EYA2: variants seen among roughly 807,000 people sequenced by gnomAD.
EYA2 encodes protein phosphatase EYA2.
A neutral mutation model predicts 69.2 loss-of-function variants in EYA2; 31 were observed. That is an observed-to-expected ratio of 0.45 (90% CI 0.34 to 0.60). The LOEUF is 0.60. Among genes scored for constraint, EYA2 ranks in the 20% least tolerant of loss-of-function variants. EYA2 has a pLI of 0.02. For synonymous variants in EYA2, 257 were observed against 279.4 expected, an observed-to-expected ratio of 0.92 and a Z score of 0.80; for missense variants, 622 against 701.2, an observed-to-expected ratio of 0.89 and a Z score of 1.28.
chr20:47,088,029 C>T (rs1205186666), intron 7 of EYA2, among the ~76,000 whole-genome samples: 2 of 152,108 alleles, frequency 1.3e-5, no homozygotes, highest in Non-Finnish European at 2.9e-5. Context: ...GAGTTCGAGA[C>T]CAGCCTGACC....
intron 9 of EYA2, among the ~76,000 whole-genome samples, chr20:47,109,202 C>T (rs2032679910): frequency 6.6e-6 from 1 of 152,190 alleles, no homozygotes; most frequent in Non-Finnish European, 1.5e-5. Flanking sequence ...CAGCCAATTC[C>T]TCCTGAACAA....
In EYA2 at chr20:47,157,782, G is replaced by A. The variant is rs6124952; in HGVS notation, c.979-11357G>A. ...TGTTAAATCATTAAAGAGAAAGTGC[G>A]TTTTTGGTGCCCCCACCAAAAAAGG... On this transcript the variant is annotated intron_variant, in intron 10 of 15. Transcript: ENST00000327619. Among the ~76,000 whole-genome samples the A allele has an allele frequency of 1.8e-3, 268 of 152,062 alleles. 16 individuals carry two copies. The East Asian group carries it at 0.024, about 13-fold the overall frequency.
chr20:46,994,184 G>A (rs367602826), intron 2 of EYA2, among the ~76,000 whole-genome samples: 68 of 152,170 alleles, frequency 4.5e-4, no homozygotes, highest in African/African-American at 1.5e-3. Flanking sequence ...CATTTGCATC[G>A]TACTGATGAC....
At chr20:47,143,568 T>C (rs575062707) in intron 10 of EYA2, among the ~76,000 whole-genome samples, 221 of 152,250 alleles carry the variant, frequency 1.5e-3, no homozygotes, top group Non-Finnish European at 2.2e-3. Context: ...ACAATTTACA[T>C]TCCCCTGAAA....
intron 5 of EYA2, among the ~76,000 whole-genome samples, chr20:47,044,864 G>T (rs1175556135): frequency 6.6e-6 from 1 of 152,130 alleles, no homozygotes; most frequent in African/African-American, 2.4e-5. Context: ...ACACTGCCAA[G>T]GAAGCATAAA....
At chr20:46,930,818 G>A (rs986012329) in intron 1 of EYA2, among the ~76,000 whole-genome samples, 2 of 152,236 alleles carry the variant, frequency 1.3e-5, no homozygotes, top group African/African-American at 4.8e-5. Context: ...TCTGTGCCAG[G>A]CACTGTGCCA....
chr20:46,925,272 C>T (rs1985364774), intron 1 of EYA2, among the ~76,000 whole-genome samples: 1 of 152,160 alleles, frequency 6.6e-6, no homozygotes, highest in Non-Finnish European at 1.5e-5. Context: ...GAACACAATT[C>T]AATCCATAGC....
intron 10 of EYA2, 150 bp from the exon 11 acceptor site, chr20:47,168,989 G>A: frequency 1.5e-6 from 1 of 669,812 alleles, no homozygotes; most frequent in South Asian, 1.7e-5. Context: ...CTAACCTTGA[G>A]TATCCAAATC....
chr20:46,937,423 T>C (rs991528875), intron 1 of EYA2, among the ~76,000 whole-genome samples: 2 of 152,210 alleles, frequency 1.3e-5, no homozygotes, highest in Non-Finnish European at 2.9e-5. Flanking sequence ...CTAGCTGTAA[T>C]GCATTTAGGA....
At chr20:46,986,555 G>T (rs776469393) in intron 1 of EYA2, among the ~76,000 whole-genome samples, 9 of 150,980 alleles carry the variant, frequency 6.0e-5, no homozygotes, top group African/African-American at 9.8e-5. Flanking sequence ...TGCTGTAAAG[G>T]AATACCTGAT....
At chr20:47,090,645 A>G (rs1439374611) in intron 8 of EYA2, among the ~76,000 whole-genome samples, 1 of 152,134 alleles carries the variant, frequency 6.6e-6, no homozygotes, top group African/African-American at 2.4e-5. Flanking sequence ...CAAGTCTACC[A>G]TCTCACAAAG....
chr20:47,117,985 G>A (rs1201840864), intron 9 of EYA2, among the ~76,000 whole-genome samples: 1 of 152,222 alleles, frequency 6.6e-6, no homozygotes, highest in African/African-American at 2.4e-5. Flanking sequence ...TGTGAGGCGA[G>A]CACCTTGGAA....
chr20:47,168,608 A>G (rs1054537549), intron 10 of EYA2, among the ~76,000 whole-genome samples: 3 of 151,828 alleles, frequency 2.0e-5, no homozygotes, highest in Non-Finnish European at 2.9e-5. Context: ...GGCACATAGT[A>G]AGTGCTCAGT....
Position 47,103,636 on chromosome 20 carries a change from T to C in EYA2, c.888+6468T>C, listed in dbSNP as rs6066198. ...TCAGAGTGTAGGGGGAAGAGCCCCT[T>C]GTAAAACGATCAGACATAGTGACAA... On this transcript the variant is annotated intron_variant, in intron 9 of 15. Transcript: ENST00000327619. Among the ~76,000 whole-genome samples, 3 of 152,144 alleles carry C rather than the reference T, an allele frequency of 2.0e-5. No individual in the cohort carries two copies. The East Asian group carries it at 5.8e-4, about 30-fold the overall frequency.
At chr20:47,118,042 C>T (rs1325160031) in intron 9 of EYA2, among the ~76,000 whole-genome samples, 2 of 152,202 alleles carry the variant, frequency 1.3e-5, no homozygotes, top group Non-Finnish European at 2.9e-5. Context: ...AGCTCTGAAA[C>T]GGAGAGGAAG....
At chr20:47,106,015 G>A (rs907242436) in intron 9 of EYA2, among the ~76,000 whole-genome samples, 1 of 152,220 alleles carries the variant, frequency 6.6e-6, no homozygotes, top group East Asian at 1.9e-4. Context: ...CCACAGGGCA[G>A]GTTTATGAGC....
Position 46,910,744 on chromosome 20 carries a change from T to G in EYA2, c.-11+15757T>G, listed in dbSNP as rs368814727. Among the ~76,000 whole-genome samples, 24 of 152,340 alleles carry G rather than the reference T, an allele frequency of 1.6e-4. No individual in the cohort carries two copies. In the South Asian group the frequency reaches 5.0e-3, roughly 32 times the overall value. On this transcript the variant is annotated intron_variant, in intron 1 of 15. Coordinates refer to ENST00000327619, the MANE Select transcript of EYA2 (RefSeq NM_005244.5). ...AGTAACATCGGGTACACACAGAGGT[T>G]GCACACTGGCAATCAAGATGTGTTT...
chr20:47,142,161 A>G (rs1293220132), intron 9 of EYA2, among the ~76,000 whole-genome samples: 5 of 152,214 alleles, frequency 3.3e-5, no homozygotes, highest in Admixed American at 1.3e-4. Flanking sequence ...TTCTAAAAAA[A>G]TGTAAAAACC....
chr20:46,966,826 CTG>C (rs1490767929), intron 1 of EYA2, among the ~76,000 whole-genome samples: 1 of 149,966 alleles, frequency 6.7e-6, no homozygotes, highest in Admixed American at 6.7e-5. Flanking sequence ...AAAAAAAAAA[CTG>C]TGAAACAGTA....
Sources: gnomAD v4.1 joint callset for allele counts (sites outside exome capture counted in the v4.1 genomes callset) on GRCh38, gnomAD v4.1.1 for gene constraint, MANE v1.5 for transcripts, NCBI Gene and HGNC (gene_info 2026-07-23, HGNC 2026-07-21) for gene names.